The following SOBP variants were observed in gnomAD, a reference collection of about 807,000 sequenced individuals.
SOBP encodes sine oculis binding protein homolog.
A neutral mutation model predicts 53.6 loss-of-function variants in SOBP; 4 were observed. The observed-to-expected ratio is 0.07, with a 90% CI of 0.04 to 0.17. SOBP has a LOEUF of 0.17. Ranked by LOEUF, SOBP falls within the 10% of genes least tolerant of loss-of-function variation. The pLI is 1.00. For missense variants in SOBP, 1,088 were observed against 1,204.7 expected (o/e 0.90, Z 1.43); for synonymous variants, 584 against 522.6 (o/e 1.12, Z -1.60).
At chr6:107,582,785 T>C (rs1785443499) in intron 4 of SOBP, among the ~76,000 whole-genome samples, 1 of 152,168 alleles carries the variant, frequency 6.6e-6, no homozygotes. Flanking sequence ...CTTGTCACTC[T>C]GGAAAAAAGT....
At chr6:107,642,081 T>C (rs938247862) in intron 6 of SOBP, among the ~76,000 whole-genome samples, 1 of 152,248 alleles carries the variant, frequency 6.6e-6, no homozygotes, top group Non-Finnish European at 1.5e-5. Context: ...CGAAATTCAT[T>C]CAGAGAAAGA....
At chr6:107,563,696 A>G (rs1051808853) in intron 4 of SOBP, among the ~76,000 whole-genome samples, 3 of 152,306 alleles carry the variant, frequency 2.0e-5, no homozygotes, top group South Asian at 2.1e-4. Flanking sequence ...AAAACTTACA[A>G]TAGACAAAAT....
chr6:107,630,089 T>A (rs967356091), intron 5 of SOBP, among the ~76,000 whole-genome samples: 3 of 152,188 alleles, frequency 2.0e-5, no homozygotes, highest in Non-Finnish European at 4.4e-5. Flanking sequence ...GTGAGAGAAG[T>A]GGAACCAAAG....
chr6:107,524,283 A>G (rs990927559), intron 3 of SOBP, among the ~76,000 whole-genome samples: 2 of 152,094 alleles, frequency 1.3e-5, no homozygotes, highest in Non-Finnish European at 2.9e-5. Flanking sequence ...TATCACGTTC[A>G]TTTGTGGACT....
chr6:107,599,423 A>G (rs983079222), intron 5 of SOBP, among the ~76,000 whole-genome samples: 2 of 152,214 alleles, frequency 1.3e-5, no homozygotes, highest in Non-Finnish European at 2.9e-5. Context: ...TATGATATAC[A>G]GCTTTCGGTC....
chr6:107,602,145 G>A (rs529727667), intron 5 of SOBP, among the ~76,000 whole-genome samples: 12 of 152,204 alleles, frequency 7.9e-5, no homozygotes, highest in African/African-American at 2.6e-4. Flanking sequence ...TTAACTTTTT[G>A]AGTCACATCT....
At chr6:107,644,845 C>T (rs1028499) in intron 6 of SOBP, among the ~76,000 whole-genome samples, 4,187 of 152,152 alleles carry the variant, frequency 0.028, 215 homozygotes, top group African/African-American at 0.097. Context: ...TATCCAAACC[C>T]AAATGTTGAA....
At chr6:107,562,171 C>A (rs1437919268) in intron 4 of SOBP, among the ~76,000 whole-genome samples, 1 of 151,890 alleles carries the variant, frequency 6.6e-6, no homozygotes, top group African/African-American at 2.4e-5. Flanking sequence ...GCTGGAATTA[C>A]AGGTGCATGC....
Position 107,587,167 on chromosome 6 carries a change from G to A in SOBP, c.661G>A (p.Glu221Lys). Residue 221 changes from glutamate to lysine, a missense_variant, in exon 5 of 7, where the codon GAA becomes AAA. Glu to Lys is a moderately conservative substitution (Grantham distance 56). Coordinates refer to ENST00000317357, the MANE Select transcript of SOBP (RefSeq NM_018013.4). ...TPRLAFKNNCELLVCDWCKHI... is the reference protein window; with the variant it reads ...TPRLAFKNNCKLLVCDWCKHI... ...AAGGCTTGCCTTCAAGAATAACTGCGAACTACTTGTAAGAATAACATACTT... is the reference window on the plus strand; with the variant it reads ...AAGGCTTGCCTTCAAGAATAACTGCAAACTACTTGTAAGAATAACATACTT... 3.1e-6 allele frequency: 5 copies of A among 1,612,802 alleles called. No individual in the cohort carries two copies. Among genetic ancestry groups the A allele is most frequent in the African/African-American group, 1.3e-5 (1 of 74,996 alleles).
At chr6:107,527,777 C>T (rs1199773173) in intron 3 of SOBP, among the ~76,000 whole-genome samples, 2 of 152,174 alleles carry the variant, frequency 1.3e-5, no homozygotes, top group Non-Finnish European at 2.9e-5. Context: ...AAGCAATGTA[C>T]ATCTACTACC....
At chr6:107,576,480 G>A (rs1198619801) in intron 4 of SOBP, among the ~76,000 whole-genome samples, 1 of 152,166 alleles carries the variant, frequency 6.6e-6, no homozygotes, top group Non-Finnish European at 1.5e-5. Context: ...TGACCAGGGT[G>A]GGATACTTTC....
intron 6 of SOBP, among the ~76,000 whole-genome samples, chr6:107,636,656 G>GT (rs1771057817): frequency 6.6e-6 from 1 of 152,168 alleles, no homozygotes; most frequent in African/African-American, 2.4e-5. Context: ...CACCTAACTT[G>GT]TACACTGCTC....
chr6:107,498,016 A>C (rs533473585), intron 1 of SOBP, among the ~76,000 whole-genome samples: 120 of 152,330 alleles, frequency 7.9e-4, no homozygotes, highest in South Asian at 2.7e-3. Context: ...AAGCTTTTAC[A>C]TATTTATTTT....
Position 107,566,767 on chromosome 6 carries a change from G to T in SOBP, c.574-20313G>T, listed in dbSNP as rs1205892783. Among the ~76,000 whole-genome samples, 8 of 152,138 alleles carry T rather than the reference G, an allele frequency of 5.3e-5. 1 individual carries two copies. Among genetic ancestry groups the T allele is most frequent in the Non-Finnish European group, 1.5e-5 (1 of 68,028 alleles). On this transcript the variant is annotated intron_variant, in intron 4 of 6. Transcript: ENST00000317357. Reference sequence around the variant, plus strand: ...CCATTCTCACCTGCTGCAGTCTCTTGGTGTATTCTAGCTTACGTTCCTGAG... The same window carrying T: ...CCATTCTCACCTGCTGCAGTCTCTTTGTGTATTCTAGCTTACGTTCCTGAG...
intron 6 of SOBP, among the ~76,000 whole-genome samples, chr6:107,653,748 A>G (rs1433724510): frequency 1.3e-5 from 2 of 152,236 alleles, no homozygotes; most frequent in African/African-American, 4.8e-5. Context: ...ATCTGCCACC[A>G]CAGAAGAGCT....
chr6:107,549,857 G>A (rs1270511170), intron 4 of SOBP, among the ~76,000 whole-genome samples: 2 of 152,118 alleles, frequency 1.3e-5, no homozygotes, highest in South Asian at 2.1e-4. Flanking sequence ...CAAAACAACC[G>A]TGATAGTTAA....
chr6:107,521,957 CACAAACTCAA>C (rs879676374), intron 3 of SOBP, among the ~76,000 whole-genome samples: 1,554 of 124,058 alleles, frequency 0.013, 15 homozygotes, highest in South Asian at 0.017. Context: ...CACACACACA[CACAAACTCAA>C]TCAAGTCTGA....
At chr6:107,553,685 A>G (rs532401548) in intron 4 of SOBP, among the ~76,000 whole-genome samples, 230 of 152,134 alleles carry the variant, frequency 1.5e-3, no homozygotes, top group Non-Finnish European at 2.8e-3. Flanking sequence ...ACAGGGTTTC[A>G]CCATCTTGGC....
At chr6:107,530,067 GC>G (rs1783774673) in intron 3 of SOBP, among the ~76,000 whole-genome samples, 1 of 152,052 alleles carries the variant, frequency 6.6e-6, no homozygotes, top group Non-Finnish European at 1.5e-5. Context: ...AAATGCACAG[GC>G]TGATGGCTGT....
Sources: gnomAD v4.1 joint callset for allele counts (sites outside exome capture counted in the v4.1 genomes callset) on GRCh38, gnomAD v4.1.1 for gene constraint, MANE v1.5 for transcripts, NCBI Gene and HGNC (gene_info 2026-07-23, HGNC 2026-07-21) for gene names.